The following PRSS38 variants were observed in gnomAD, a reference collection of about 807,000 sequenced individuals.
PRSS38 encodes marapsin 2.
Under a neutral mutation model 26.8 loss-of-function variants are expected in PRSS38, and 22 were observed. That is an observed-to-expected ratio of 0.82 (90% CI 0.59 to 1.17). PRSS38 has a LOEUF of 1.17. PRSS38 is among the 50% of genes most tolerant of loss of function. PRSS38 has a pLI of 0.00. For synonymous variants in PRSS38, 175 were observed against 172.1 expected (o/e 1.02, Z -0.13); for missense variants, 427 against 422.7 (o/e 1.01, Z -0.09).
At chr1:227,835,078 A>G (rs1449774990) in intron 3 of PRSS38, among the ~76,000 whole-genome samples, 3 of 152,226 alleles carry the variant, frequency 2.0e-5, no homozygotes, top group Non-Finnish European at 4.4e-5. Flanking sequence ...AAGCACATGC[A>G]AGGATGCTCC....
At chr1:227,841,755 C>A (rs957089714) in intron 3 of PRSS38, among the ~76,000 whole-genome samples, 1 of 152,212 alleles carries the variant, frequency 6.6e-6, no homozygotes, top group Non-Finnish European at 1.5e-5. Context: ...CCCTCAATCT[C>A]CAGCTCCATC....
Position 227,816,072 on chromosome 1 carries a change from G to C in PRSS38, c.149-18G>C. The stretch of plus-strand genomic sequence containing the variant: ...TGGCCCCAGCATGGCTCCACCGTCA[G>C]CTCCGTTCTCCCTGCAGCCTGTGGT... On this transcript the variant is annotated intron_variant, in intron 1 of 4. Transcript: ENST00000366757. The surrounding 1 kb of genome is among the most constrained non-coding windows in gnomAD (Gnocchi z 5.1). 6.2e-7 allele frequency: 1 copy of C among 1,606,048 alleles called. No homozygotes were observed. The highest frequency in any genetic ancestry group is 1.3e-5 in the African/African-American group (1 of 74,708).
chr1:227,825,073 A>G (rs1472638195), intron 3 of PRSS38, among the ~76,000 whole-genome samples: 1 of 152,166 alleles, frequency 6.6e-6, no homozygotes, highest in Non-Finnish European at 1.5e-5. Flanking sequence ...CTTTAGTTTA[A>G]TTAGATCCCA....
intron 3 of PRSS38, among the ~76,000 whole-genome samples, chr1:227,817,773 T>A (rs963968277): frequency 6.6e-6 from 1 of 152,234 alleles, no homozygotes; most frequent in African/African-American, 2.4e-5. Flanking sequence ...AATTTAGAAA[T>A]CTCTTTTAGC....
intron 3 of PRSS38, among the ~76,000 whole-genome samples, chr1:227,824,242 C>A (rs553900882): frequency 6.6e-6 from 1 of 152,088 alleles, no homozygotes; most frequent in Admixed American, 6.6e-5. Flanking sequence ...CAAACAGGCC[C>A]CAGTGTGTGT....
Position 227,816,377 on chromosome 1 carries a change from C to T in PRSS38, c.311+125C>T. On this transcript the variant is annotated intron_variant, in intron 2 of 4. Coordinates refer to ENST00000366757, the Ensembl canonical transcript of PRSS38. This position sits in a 1 kb window ranked among gnomAD's most constrained non-coding sequence, Gnocchi z 5.1. ...TGTCGACTCCCTTCACCACTGTCGA[C>T]CCGCGCAAGGCCAGGTCCCCACCAG... is the stretch of plus-strand genomic sequence containing the variant. 1 of 1,046,804 alleles carries T rather than the reference C, an allele frequency of 9.6e-7. No homozygotes were observed. Among genetic ancestry groups the T allele is most frequent in the Non-Finnish European group, 1.4e-6 (1 of 722,366 alleles). 64.8% of individuals were successfully genotyped at this position (1,046,804 alleles called of 1,614,324 possible).
At chr1:227,841,672 A>C (rs1665339749) in intron 3 of PRSS38, among the ~76,000 whole-genome samples, 1 of 152,174 alleles carries the variant, frequency 6.6e-6, no homozygotes, top group African/African-American at 2.4e-5. Flanking sequence ...TTTTAACCAC[A>C]ACCAGGAAAG....
intron 3 of PRSS38, among the ~76,000 whole-genome samples, chr1:227,821,210 A>G (rs1459236562): frequency 6.6e-6 from 1 of 152,106 alleles, no homozygotes; most frequent in African/African-American, 2.4e-5. Context: ...CCTGCAAAGG[A>G]CATGATCTCA....
At chr1:227,823,091 C>T (rs1032477310) in intron 3 of PRSS38, among the ~76,000 whole-genome samples, 1 of 152,066 alleles carries the variant, frequency 6.6e-6, no homozygotes, top group African/African-American at 2.4e-5. Flanking sequence ...CCATCACCTT[C>T]CCATCCTCCT....
chr1:227,818,762 T>G (rs1176093637), intron 3 of PRSS38, among the ~76,000 whole-genome samples: 1 of 151,132 alleles, frequency 6.6e-6, no homozygotes, highest in Non-Finnish European at 1.5e-5. Flanking sequence ...TTGGCATGAG[T>G]GTACTGCTGA....
At chr1:227,834,389 C>T (rs1665206745) in intron 3 of PRSS38, among the ~76,000 whole-genome samples, 1 of 152,060 alleles carries the variant, frequency 6.6e-6, no homozygotes, top group Non-Finnish European at 1.5e-5. Flanking sequence ...AATAAATTGG[C>T]CAGGTGTAGT....
intron 3 of PRSS38, among the ~76,000 whole-genome samples, chr1:227,819,560 A>G (rs906236783): frequency 2.0e-5 from 3 of 152,190 alleles, no homozygotes; most frequent in African/African-American, 7.2e-5. Context: ...GACCATGTTG[A>G]GTAATGTTGA....
chr1:227,842,844 T>G (rs112821814), intron 3 of PRSS38, among the ~76,000 whole-genome samples: 5,859 of 152,214 alleles, frequency 0.038, 133 homozygotes, highest in South Asian at 0.049. Flanking sequence ...CCCAAAGTGC[T>G]GGGACTACAG....
chr1:227,830,659 T>A (rs1391201890), intron 3 of PRSS38, among the ~76,000 whole-genome samples: 1 of 151,520 alleles, frequency 6.6e-6, no homozygotes, highest in Non-Finnish European at 1.5e-5. Flanking sequence ...GCCCTGCTAA[T>A]TTTTATTATT....
rs137997612 is a variant in PRSS38 at position 227,817,299 on chromosome 1, G to A, written c.402G>A (p.Arg134=). The change falls in exon 3 of 5, where the codon AGG becomes AGA. Residue 134 remains arginine, a synonymous_variant. Transcript: ENST00000366757. ...ACACCCAGTGGTATGAGGTGAACAG[G>A]GTGATCCTGCACCCCACATATGAGA... The A allele has an allele frequency of 1.1e-5, 17 of 1,614,034 alleles. No homozygotes were observed. The African/African-American group carries it at 2.3e-4, about 22-fold the overall frequency.
At chr1:227,842,088 T>C (rs1244983949) in intron 3 of PRSS38, among the ~76,000 whole-genome samples, 3 of 152,196 alleles carry the variant, frequency 2.0e-5, no homozygotes, top group Non-Finnish European at 4.4e-5. Context: ...GATCTATTCA[T>C]GAGGGATGCA....
In PRSS38 at chr1:227,842,411, CA is replaced by C. The variant is rs375844243; in HGVS notation, c.584-3050del. Among the ~76,000 whole-genome samples the C allele has an allele frequency of 3.1e-3, 474 of 151,334 alleles. 7 individuals are homozygous for C. The highest frequency in any genetic ancestry group is 0.028 in the South Asian group (135 of 4,790). ...ATTGGATTCATTCTAATTCTCAGATCAAAAAAAAATTTACTCTACATTTGTT... is the reference window on the plus strand; with the variant it reads ...ATTGGATTCATTCTAATTCTCAGATCAAAAAAAATTTACTCTACATTTGTT... On this transcript the variant is annotated intron_variant, in intron 3 of 4. Coordinates refer to ENST00000366757, the Ensembl canonical transcript of PRSS38.
intron 3 of PRSS38, among the ~76,000 whole-genome samples, chr1:227,839,356 G>A (rs1665282537): frequency 6.6e-6 from 1 of 152,102 alleles, no homozygotes; most frequent in South Asian, 2.1e-4. Context: ...TGTAGTCCCA[G>A]CTACTTGGGA....
rs1665322491 is a variant in PRSS38, at chr1:227,840,537, T to C, written c.584-4933T>C. On this transcript the variant is annotated intron_variant, in intron 3 of 4. Coordinates refer to ENST00000366757, the Ensembl canonical transcript of PRSS38. ...CTACATTTTTCTTCAAGCATATACA[T>C]GCCCATTTATTTACATATTGTCTCT... 2.0e-5 allele frequency among the ~76,000 whole-genome samples: 3 copies of C among 152,202 alleles called. No individual in the cohort carries two copies. In the South Asian group the frequency reaches 6.2e-4, roughly 32 times the overall value.
Sources: gnomAD v4.1 joint callset for allele counts (sites outside exome capture counted in the v4.1 genomes callset) on GRCh38, gnomAD v4.1.1 for gene constraint, Gnocchi (gnomAD v3.1) non-coding constraint, MANE v1.5 for transcripts, NCBI Gene and HGNC (gene_info 2026-07-23, HGNC 2026-07-21) for gene names.